KCND2: variants seen among roughly 807,000 people sequenced by gnomAD.
The protein encoded by KCND2 is A-type voltage-gated potassium channel KCND2.
A neutral mutation model predicts 54.4 loss-of-function variants in KCND2; 16 were observed. That is an observed-to-expected ratio of 0.29 (90% confidence interval 0.20 to 0.45). The LOEUF is 0.45. Among genes scored for constraint, KCND2 ranks in the 20% least tolerant of loss-of-function variants. KCND2 has a pLI of 1.00. For synonymous variants in KCND2, 317 were observed against 310.7 expected (o/e 1.02, Z -0.21); for missense variants, 486 against 824.2 (o/e 0.59, Z 5.02).
At chr7:120,652,222 C>G (rs142822593) in intron 1 of KCND2, among the ~76,000 whole-genome samples, 1,651 of 152,150 alleles carry the variant, frequency 0.011, 10 homozygotes, top group Non-Finnish European at 0.015. Flanking sequence ...ACTACAGGTG[C>G]GCACCACCAC....
chr7:120,602,120 T>C (rs549161793), intron 1 of KCND2, among the ~76,000 whole-genome samples: 2 of 152,348 alleles, frequency 1.3e-5, no homozygotes, highest in East Asian at 3.9e-4. Flanking sequence ...CCCAAGCCTC[T>C]GTGGTGCAGA....
chr7:120,510,143 T>C (rs904761056), intron 1 of KCND2, among the ~76,000 whole-genome samples: 2 of 152,102 alleles, frequency 1.3e-5, no homozygotes. Context: ...TTCCTAACCC[T>C]AAAGACTCTC....
chr7:120,745,870 T>C lies in KCND2; in HGVS notation c.1558T>C (p.Ser520Pro). Reference sequence around the variant, plus strand: ...TCCTTCAAGTCACAGTCCTTCACTGTCTTCACAACAAGGAGTCACCAGCAC... The same window carrying C: ...TCCTTCAAGTCACAGTCCTTCACTGCCTTCACAACAAGGAGTCACCAGCAC... Reference protein sequence around the residue: ...NRPSSHSPSLSSQQGVTSTCC... With the variant: ...NRPSSHSPSLPSQQGVTSTCC... The change falls in exon 5 of 6, where the codon TCT becomes CCT. Residue 520 changes from serine to proline, a missense_variant. Around this residue, in one of 7 missense-constraint regions of KCND2, gnomAD observed 202 missense variants for 252.7 expected, o/e 0.80. Transcript: ENST00000331113. 3 of 1,613,892 alleles carry C rather than the reference T, an allele frequency of 1.9e-6. No individual in the cohort carries two copies. The highest frequency in any genetic ancestry group is 2.5e-6 in the Non-Finnish European group (3 of 1,179,844).
chr7:120,574,719 A>G (rs1792406178), intron 1 of KCND2, among the ~76,000 whole-genome samples: 1 of 152,108 alleles, frequency 6.6e-6, no homozygotes, highest in Admixed American at 6.6e-5. Context: ...AATGTGCACC[A>G]AGGTTAAAAC....
intron 1 of KCND2, among the ~76,000 whole-genome samples, chr7:120,708,778 G>A (rs1388240591): frequency 6.6e-6 from 1 of 151,986 alleles, no homozygotes; most frequent in African/African-American, 2.4e-5. Context: ...CTTAAGACAT[G>A]CTGGTCTTTT....
At chr7:120,735,218 T>C (rs1428855663) in intron 2 of KCND2, among the ~76,000 whole-genome samples, 1 of 151,926 alleles carries the variant, frequency 6.6e-6, no homozygotes, top group African/African-American at 2.4e-5. Flanking sequence ...CTCTGGACAG[T>C]TGTAGTCTTA....
chr7:120,507,399 A>T (rs1358008802), intron 1 of KCND2, among the ~76,000 whole-genome samples: 1 of 151,898 alleles, frequency 6.6e-6, no homozygotes, highest in Non-Finnish European at 1.5e-5. Context: ...CTTGATTTTC[A>T]GCTGGACTTA....
chr7:120,368,956 A>G (rs1463774489), intron 1 of KCND2, among the ~76,000 whole-genome samples: 2 of 152,080 alleles, frequency 1.3e-5, no homozygotes, highest in African/African-American at 4.8e-5. Flanking sequence ...TTCTGTGGAT[A>G]ACCTGCAGCT....
At chr7:120,737,727 C>T (rs191505641) in intron 2 of KCND2, among the ~76,000 whole-genome samples, 1 of 152,118 alleles carries the variant, frequency 6.6e-6, no homozygotes, top group Non-Finnish European at 1.5e-5. Flanking sequence ...AGGCATTTTA[C>T]TAACCCTTAA....
At chr7:120,629,346 C>A (rs1206313847) in intron 1 of KCND2, among the ~76,000 whole-genome samples, 2 of 152,118 alleles carry the variant, frequency 1.3e-5, no homozygotes, top group East Asian at 3.9e-4. Flanking sequence ...ATTAGCCGGG[C>A]GTGGTGGCTG....
At chr7:120,400,738 T>G (rs1256321203) in intron 1 of KCND2, among the ~76,000 whole-genome samples, 1 of 152,184 alleles carries the variant, frequency 6.6e-6, no homozygotes, top group Non-Finnish European at 1.5e-5. Flanking sequence ...ACATAGATTC[T>G]AATTCAGTAG....
intron 1 of KCND2, among the ~76,000 whole-genome samples, chr7:120,461,991 A>G (rs1046214620): frequency 3.9e-5 from 6 of 152,174 alleles, no homozygotes; most frequent in Non-Finnish European, 7.4e-5. Context: ...GCACTTAGAT[A>G]TAAGAAATGT....
chr7:120,508,308 T>G (rs1238429175), intron 1 of KCND2, among the ~76,000 whole-genome samples: 1 of 151,964 alleles, frequency 6.6e-6, no homozygotes, highest in Non-Finnish European at 1.5e-5. Flanking sequence ...CATTGTTACA[T>G]ATTTCTGTTA....
At chr7:120,566,609 G>T (rs1792301383) in intron 1 of KCND2, among the ~76,000 whole-genome samples, 1 of 152,090 alleles carries the variant, frequency 6.6e-6, no homozygotes, top group Non-Finnish European at 1.5e-5. Context: ...GCCTCCCAAA[G>T]TGCTGAGATT....
At chr7:120,515,770 G>T (rs1055098002) in intron 1 of KCND2, among the ~76,000 whole-genome samples, 14 of 152,116 alleles carry the variant, frequency 9.2e-5, no homozygotes, top group Non-Finnish European at 2.1e-4. Context: ...TGGTGATGCC[G>T]AGGTGAGGTT....
intron 1 of KCND2, among the ~76,000 whole-genome samples, chr7:120,395,729 T>G (rs2116063774): frequency 6.6e-6 from 1 of 152,162 alleles, no homozygotes; most frequent in East Asian, 1.9e-4. Context: ...TTCCAGGCTG[T>G]TACCATGGCC....
chr7:120,560,138 T>C (rs1037789208), intron 1 of KCND2, among the ~76,000 whole-genome samples: 2 of 152,188 alleles, frequency 1.3e-5, no homozygotes, highest in African/African-American at 2.4e-5. Flanking sequence ...CAGTTAAAAT[T>C]TAGCATTAAT....
chr7:120,580,287 C>G (rs1026919133), intron 1 of KCND2, among the ~76,000 whole-genome samples: 1 of 152,156 alleles, frequency 6.6e-6, no homozygotes, highest in African/African-American at 2.4e-5. Context: ...AGCTATTAAA[C>G]CTATTTGGCT....
At chr7:120,499,599 A>G (rs1318741252) in intron 1 of KCND2, among the ~76,000 whole-genome samples, 1 of 152,126 alleles carries the variant, frequency 6.6e-6, no homozygotes, top group African/African-American at 2.4e-5. Flanking sequence ...TATTTTCTTT[A>G]TCTAGAATAC....
Sources: gnomAD v4.1 joint callset for allele counts (sites outside exome capture counted in the v4.1 genomes callset) on GRCh38, gnomAD v4.1.1 for gene constraint, gnomAD v4.1.1 regional missense constraint, MANE v1.5 for transcripts, NCBI Gene and HGNC (gene_info 2026-07-23, HGNC 2026-07-21) for gene names.